Variants in ALKBH5 observed in about 807,000 individuals in gnomAD.
ALKBH5 encodes RNA demethylase ALKBH5.
A neutral mutation model predicts 32.1 loss-of-function variants in ALKBH5; 2 were observed. That is an observed-to-expected ratio of 0.06 (90% CI 0.03 to 0.20). The LOEUF (loss-of-function observed/expected upper bound fraction) is 0.20, where lower values mean the gene tolerates loss of function less well. ALKBH5 is among the 10% of genes least tolerant of loss of function. The probability of loss-of-function intolerance (pLI) is 1.00; values close to 1 mark genes in which losing one functional copy is unlikely to be tolerated. For missense variants in ALKBH5, 352 were observed against 559.5 expected, an observed-to-expected ratio of 0.63 and a Z score of 3.74; for synonymous variants, 300 against 231.7, an observed-to-expected ratio of 1.29 and a Z score of -2.68.
intron 1 of ALKBH5, among the ~76,000 whole-genome samples, chr17:18,186,627 G>A (rs1466224346): frequency 1.3e-5 from 2 of 152,064 alleles, no homozygotes; most frequent in Non-Finnish European, 2.9e-5. Flanking sequence ...CAGAAGTTTC[G>A]AGTTCTTAGT....
chr17:18,191,611 T>A (rs556563086), intron 1 of ALKBH5, among the ~76,000 whole-genome samples: 2 of 152,118 alleles, frequency 1.3e-5, no homozygotes, highest in African/African-American at 2.4e-5. Context: ...TCAAACAGAT[T>A]GATAACACTT....
intron 1 of ALKBH5, among the ~76,000 whole-genome samples, chr17:18,191,107 C>T (rs1485753604): frequency 6.6e-6 from 1 of 152,340 alleles, no homozygotes; most frequent in East Asian, 1.9e-4. Flanking sequence ...TATTAAGTTG[C>T]AAGCTGGCCG....
At chr17:18,202,090 G>C (rs1170277615) in intron 2 of ALKBH5, among the ~76,000 whole-genome samples, 1 of 152,012 alleles carries the variant, frequency 6.6e-6, no homozygotes, top group Non-Finnish European at 1.5e-5. Context: ...GGCGGATCGT[G>C]AGGTCAGGAG....
intron 1 of ALKBH5, among the ~76,000 whole-genome samples, chr17:18,187,879 G>A (rs2047149156): frequency 6.6e-6 from 1 of 152,202 alleles, no homozygotes. Flanking sequence ...TTAGACTTCA[G>A]TTGGTGTTGG....
chr17:18,200,363 A>G (rs570023597), intron 2 of ALKBH5, among the ~76,000 whole-genome samples: 3 of 152,254 alleles, frequency 2.0e-5, no homozygotes, highest in South Asian at 2.1e-4. Context: ...AGGGCACCCA[A>G]TCCCTTGGTT....
intron 1 of ALKBH5, among the ~76,000 whole-genome samples, chr17:18,187,910 C>T (rs149782437): frequency 1.8e-4 from 28 of 152,274 alleles, no homozygotes; most frequent in Non-Finnish European, 3.2e-4. Context: ...ATCTGTACCC[C>T]TCTAAGACCG....
chr17:18,199,020 C>A (rs2047220661), intron 2 of ALKBH5, among the ~76,000 whole-genome samples: 1 of 152,190 alleles, frequency 6.6e-6, no homozygotes, highest in South Asian at 2.1e-4. Flanking sequence ...CCCAGTGTGT[C>A]GTTGGGATGG....
At chr17:18,195,149 G>C (rs2047197869) in intron 2 of ALKBH5, 114 bp downstream of exon 2, 1 of 778,160 alleles carries the variant, frequency 1.3e-6, no homozygotes, top group African/African-American at 1.8e-5. Context: ...AGAGTGGAGA[G>C]CAGAACTGTT....
At chr17:18,190,148 C>T (rs2047165062) in intron 1 of ALKBH5, among the ~76,000 whole-genome samples, 1 of 152,182 alleles carries the variant, frequency 6.6e-6, no homozygotes, top group Non-Finnish European at 1.5e-5. Flanking sequence ...CTAGGCAGGG[C>T]ATGGAGTAGA....
At chr17:18,197,800 T>G (rs1235719310) in intron 2 of ALKBH5, among the ~76,000 whole-genome samples, 4 of 152,194 alleles carry the variant, frequency 2.6e-5, no homozygotes, top group African/African-American at 9.7e-5. Flanking sequence ...CCTTCTGACT[T>G]CAGTGGGCCC....
chr17:18,203,868 C>T (rs1326444054), intron 2 of ALKBH5, among the ~76,000 whole-genome samples: 1 of 152,172 alleles, frequency 6.6e-6, no homozygotes, highest in East Asian at 1.9e-4. Flanking sequence ...CAAGAGCTCT[C>T]ATCTTGGTGG....
In ALKBH5 at chr17:18,208,313, T is replaced by C; in HGVS notation, c.1102T>C (p.Trp368Arg). 1 of 1,614,094 alleles carries C rather than the reference T, an allele frequency of 6.2e-7. No individual in the cohort carries two copies. Among genetic ancestry groups the C allele is most frequent in the Non-Finnish European group, 8.5e-7 (1 of 1,180,006 alleles). ...RRGSFSSENY[W>R]RKSYESSEDC... is the part of the protein sequence containing the mutation. Reference sequence around the variant, plus strand: ...GGGTAGCTTCAGCTCTGAGAACTACTGGCGCAAGTCATACGAGTCCTCAGA... The same window carrying C: ...GGGTAGCTTCAGCTCTGAGAACTACCGGCGCAAGTCATACGAGTCCTCAGA... The change falls in exon 4 of 4, where the codon TGG (tryptophan) becomes CGG (arginine). Residue 368 changes from tryptophan (W) to arginine (R), a missense_variant. Physicochemically the swap from Trp to Arg is moderately radical, Grantham distance 101 (BLOSUM62 -3). This residue lies in a region of ALKBH5 where 124 missense variants were observed against 142.4 expected (regional missense o/e 0.87). Transcript: ENST00000399138.
In ALKBH5 at chr17:18,203,071, T is replaced by TAA. The variant is rs771396075; in HGVS notation, c.852-3725_852-3724dup. Among the ~76,000 whole-genome samples, 1,216 of 133,480 alleles carry TAA rather than the reference T, an allele frequency of 9.1e-3. 9 individuals carry two copies. Among genetic ancestry groups the TAA allele is most frequent in the Non-Finnish European group, 0.012 (738 of 62,692 alleles). The allele number at this position is 133,480 out of a possible 152,430, so 87.6% of individuals were successfully genotyped here. A position where few individuals can be genotyped will look rare whatever the true frequency, so the allele number is the denominator to read the frequency against. ...CTGGAGACAGAGCAAGATTGTCTTTTAAAAAAAAAAAAAAAAAAAAGAGTT... is the reference window on the plus strand; with the variant it reads ...CTGGAGACAGAGCAAGATTGTCTTTTAAAAAAAAAAAAAAAAAAAAAAGAGTT... On this transcript the variant is annotated intron_variant, in intron 2 of 3. Transcript: ENST00000399138.
chr17:18,198,185 A>C (rs1486502417), intron 2 of ALKBH5, among the ~76,000 whole-genome samples: 1 of 152,136 alleles, frequency 6.6e-6, no homozygotes, highest in African/African-American at 2.4e-5. Context: ...TTTTAGCATC[A>C]CCTAAAGCCC....
chr17:18,196,644 A>G (rs1157405502), intron 2 of ALKBH5, among the ~76,000 whole-genome samples: 2 of 152,240 alleles, frequency 1.3e-5, no homozygotes, highest in Non-Finnish European at 2.9e-5. Flanking sequence ...AATATATACT[A>G]TCAATGTAAC....
intron 2 of ALKBH5, among the ~76,000 whole-genome samples, chr17:18,200,597 G>A (rs1220775691): frequency 2.0e-5 from 3 of 152,170 alleles, no homozygotes; most frequent in African/African-American, 7.2e-5. Context: ...GCTAGTACCC[G>A]GAATGGGGTT....
intron 2 of ALKBH5, among the ~76,000 whole-genome samples, chr17:18,204,815 A>G (rs1000516355): frequency 1.4e-4 from 21 of 151,288 alleles, no homozygotes; most frequent in East Asian, 3.9e-4. Flanking sequence ...TGTAATCTCA[A>G]CACTTTGGGA....
chr17:18,201,351 G>C (rs1369648211), intron 2 of ALKBH5, among the ~76,000 whole-genome samples: 5 of 152,236 alleles, frequency 3.3e-5, no homozygotes, highest in African/African-American at 1.2e-4. Flanking sequence ...TCACCAGGAA[G>C]GTGACAAACT....
Position 18,208,662 on chromosome 17 carries a change from G to GC in ALKBH5, c.*268dup, listed in dbSNP as rs1044145099. On this transcript the variant is annotated 3_prime_UTR_variant, in exon 4 of 4. Transcript: ENST00000399138. ...GGGGACAGAGGCTGATGCTGGAGTG[G>GC]CCAGTAGAGGTGGTGGAGCAGAGCA... The GC allele has an allele frequency of 1.7e-4, 96 of 577,290 alleles. No homozygotes were observed. The highest frequency in any genetic ancestry group is 1.0e-3 in the Admixed American group (35 of 34,752). The allele number at this position is 577,290 out of a possible 1,614,324, so 35.8% of individuals were successfully genotyped here.
Sources: allele counts gnomAD v4.1 joint callset (sites outside exome capture counted in the v4.1 genomes callset), GRCh38; gene constraint gnomAD v4.1.1; regional missense constraint gnomAD v4.1.1; transcripts MANE v1.5; gene names NCBI Gene and HGNC (gene_info 2026-07-23, HGNC 2026-07-21).